The following LRRIQ3 variants were observed in gnomAD, a reference collection of about 807,000 sequenced individuals.
The protein encoded by LRRIQ3 is leucine rich repeats and IQ motif containing 3, also known as leucine-rich repeat and IQ domain-containing protein 3.
LRRIQ3 carries 75 observed loss-of-function variants against 59.3 expected under a neutral mutation model. That is an observed-to-expected ratio of 1.26 (90% CI 1.05 to 1.53). The LOEUF (loss-of-function observed/expected upper bound fraction) is 1.53. Among genes scored for constraint, LRRIQ3 ranks in the 40% most tolerant of loss-of-function variants. The pLI is 0.00. For missense variants in LRRIQ3, 831 were observed against 710.0 expected (o/e 1.17, Z -1.94); for synonymous variants, 250 against 231.3 (o/e 1.08, Z -0.73).
intron 5 of LRRIQ3, among the ~76,000 whole-genome samples, chr1:74,093,725 A>G (rs1433359592): frequency 1.3e-5 from 2 of 152,072 alleles, no homozygotes; most frequent in African/African-American, 4.8e-5. Flanking sequence ...CCACTCATTC[A>G]TGGTCTAAAA....
At chr1:74,186,155 T>C (rs1267855614) in intron 1 of LRRIQ3, among the ~76,000 whole-genome samples, 2 of 151,540 alleles carry the variant, frequency 1.3e-5, no homozygotes, top group South Asian at 2.1e-4. Context: ...TAACAGTCTA[T>C]TTTGAAATTT....
In LRRIQ3 at chr1:74,041,290, C is replaced by G. The variant is rs1248938523; in HGVS notation, c.1641G>C (p.Glu547Asp). The change falls in exon 7 of 8, where the codon GAG (glutamate) becomes GAC (aspartate). Residue 547 changes from glutamate to aspartate, a missense_variant. Coordinates refer to ENST00000354431, the MANE Select transcript of LRRIQ3 (RefSeq NM_001105659.2). ...GTTTTTGCTTAACAATCAGGCTTTT[C>G]TCTTTTAGGACAGCCTCATTCTTCT... ...RLEKNEAVLK[E>D]KSLIVKQKLK... 6.2e-7 allele frequency: 1 copy of G among 1,609,276 alleles called. No individual in the cohort carries two copies.
chr1:74,194,442 GAA>G (rs1650967396), intron 1 of LRRIQ3, among the ~76,000 whole-genome samples: 1 of 152,058 alleles, frequency 6.6e-6, no homozygotes, highest in Admixed American at 6.6e-5. Context: ...CAAATGACAT[GAA>G]AAGTCATTCA....
chr1:74,154,165 CG>C (rs1553171654), intron 4 of LRRIQ3, among the ~76,000 whole-genome samples: 2 of 135,584 alleles, frequency 1.5e-5, no homozygotes, highest in Non-Finnish European at 3.0e-5. Context: ...GGCGTGAACC[CG>C]GAAGTCAGAG....
At chr1:74,197,042 C>T (rs1160173992) in intron 1 of LRRIQ3, among the ~76,000 whole-genome samples, 1 of 152,204 alleles carries the variant, frequency 6.6e-6, no homozygotes, top group Non-Finnish European at 1.5e-5. Context: ...GTTACTTTCA[C>T]TCAAGTCTCT....
intron 4 of LRRIQ3, among the ~76,000 whole-genome samples, chr1:74,140,076 C>G (rs1238788406): frequency 6.6e-6 from 1 of 151,420 alleles, no homozygotes; most frequent in African/African-American, 2.4e-5. Flanking sequence ...ATTTAATACC[C>G]CAAACATCAG....
intron 5 of LRRIQ3, among the ~76,000 whole-genome samples, chr1:74,095,287 G>GTCTA (rs1646437145): frequency 6.6e-6 from 1 of 152,048 alleles, no homozygotes; most frequent in South Asian, 2.1e-4. Context: ...GCAATGCACT[G>GTCTA]TCTATCTCTT....
At chr1:74,121,031 G>T (rs1646847246) in intron 4 of LRRIQ3, among the ~76,000 whole-genome samples, 2 of 152,012 alleles carry the variant, frequency 1.3e-5, no homozygotes, top group African/African-American at 4.8e-5. Context: ...AATTAAAATT[G>T]TACCAACCTT....
chr1:74,179,322 CA>C (rs1269154612), intron 3 of LRRIQ3, among the ~76,000 whole-genome samples: 1 of 151,852 alleles, frequency 6.6e-6, no homozygotes, highest in Non-Finnish European at 1.5e-5. Flanking sequence ...TTTTATGTCA[CA>C]ATTAAGGATA....
intron 4 of LRRIQ3, among the ~76,000 whole-genome samples, chr1:74,120,498 T>C (rs1018291974): frequency 6.6e-6 from 1 of 152,130 alleles, no homozygotes; most frequent in Non-Finnish European, 1.5e-5. Context: ...TGGAATTTTG[T>C]TAGTATGAAG....
chr1:74,180,787 T>C (rs757447346), intron 3 of LRRIQ3: 10 of 1,549,890 alleles, frequency 6.5e-6, no homozygotes, highest in Admixed American at 2.0e-5. Flanking sequence ...AAAATAAGAC[T>C]AACATTTTTC....
chr1:74,176,186 G>A (rs1649629107), intron 3 of LRRIQ3, among the ~76,000 whole-genome samples: 1 of 151,954 alleles, frequency 6.6e-6, no homozygotes, highest in African/African-American at 2.4e-5. Flanking sequence ...CTCTATCTGA[G>A]TATATATTAA....
intron 7 of LRRIQ3, among the ~76,000 whole-genome samples, chr1:74,035,886 C>A (rs564718730): frequency 1.2e-3 from 178 of 152,226 alleles, no homozygotes; most frequent in African/African-American, 4.2e-3. Flanking sequence ...CTTCTCCTTG[C>A]CTCACCTCTC....
intron 5 of LRRIQ3, chr1:74,082,480 G>A (rs1268217858): frequency 6.6e-6 from 1 of 151,308 alleles, no homozygotes; most frequent in African/African-American, 2.4e-5. Context: ...TTTTCAAGAG[G>A]GAAATTCTTT....
At chr1:74,158,638 A>G (rs1007080310) in intron 3 of LRRIQ3, among the ~76,000 whole-genome samples, 1 of 152,056 alleles carries the variant, frequency 6.6e-6, no homozygotes, top group South Asian at 2.1e-4. Flanking sequence ...GACAATGTTG[A>G]GTTTTACCTG....
intron 6 of LRRIQ3, among the ~76,000 whole-genome samples, chr1:74,064,631 GAAT>G (rs1357993890): frequency 1.3e-5 from 2 of 151,882 alleles, no homozygotes; most frequent in Non-Finnish European, 2.9e-5. Flanking sequence ...ATATATCTGG[GAAT>G]GGTTTCATTT....
intron 5 of LRRIQ3, among the ~76,000 whole-genome samples, chr1:74,099,433 A>C (rs564581412): frequency 3.8e-4 from 58 of 152,278 alleles, no homozygotes; most frequent in African/African-American, 1.4e-3. Context: ...CAACCAAAAA[A>C]TGTCAAGGAC....
At chr1:74,068,216 C>A (rs899155312) in intron 6 of LRRIQ3, among the ~76,000 whole-genome samples, 29 of 152,066 alleles carry the variant, frequency 1.9e-4, no homozygotes, top group African/African-American at 6.8e-4. Flanking sequence ...TATTTAATAG[C>A]ATAATTAATC....
intron 5 of LRRIQ3, among the ~76,000 whole-genome samples, chr1:74,103,788 C>A (rs1170637873): frequency 8.3e-6 from 1 of 120,804 alleles, no homozygotes; most frequent in Non-Finnish European, 1.9e-5. Context: ...CTCTGTCCTT[C>A]CCCCCCCCGC....
Sources: gnomAD v4.1 joint callset for allele counts (sites outside exome capture counted in the v4.1 genomes callset) on GRCh38, gnomAD v4.1.1 for gene constraint, MANE v1.5 for transcripts, NCBI Gene and HGNC (gene_info 2026-07-23, HGNC 2026-07-21) for gene names.